The following DDAH1 variants were observed in gnomAD, a reference collection of about 807,000 sequenced individuals.
DDAH1 encodes the protein N(G),N(G)-dimethylarginine dimethylaminohydrolase 1.
A neutral mutation model predicts 28.8 loss-of-function variants in DDAH1; 19 were observed. The observed-to-expected ratio is 0.66, with a 90% CI of 0.46 to 0.97. The LOEUF (loss-of-function observed/expected upper bound fraction) is 0.97, where lower values mean the gene tolerates loss of function less well. Among genes scored for constraint, DDAH1 ranks in the 50% least tolerant of loss-of-function variants. The pLI is 0.00. For synonymous variants in DDAH1, 153 were observed against 154.4 expected, an observed-to-expected ratio of 0.99 and a Z score of 0.07; for missense variants, 326 against 375.9, an observed-to-expected ratio of 0.87 and a Z score of 1.10.
intron 2 of DDAH1, 120 bp from the exon 3 acceptor site, chr1:85,351,699 C>A: frequency 2.8e-6 from 2 of 724,244 alleles, no homozygotes; most frequent in South Asian, 1.7e-5. Flanking sequence ...CAGAGAACAG[C>A]TTCACTAAAG....
intron 2 of DDAH1, among the ~76,000 whole-genome samples, chr1:85,355,658 A>G (rs1319198996): frequency 6.6e-6 from 1 of 152,214 alleles, no homozygotes; most frequent in Non-Finnish European, 1.5e-5. Flanking sequence ...TGTTTACTTT[A>G]GAGAAACTCT....
rs1164742183 is a variant in DDAH1, at chr1:85,319,540, C to G, written c.*1912G>C. On this transcript the variant is annotated 3_prime_UTR_variant, in exon 6 of 6. Transcript: ENST00000284031. ...CTCACAGGGAGAATTTTTGCTTTTG[C>G]CAAGGAAGGGCCAGATTTAACCCAA... 1 of 152,110 alleles carries G rather than the reference C, an allele frequency of 6.6e-6. No homozygotes were observed. Among genetic ancestry groups the G allele is most frequent in the Non-Finnish European group, 1.5e-5 (1 of 68,010 alleles). 9.4% of individuals were successfully genotyped at this position (152,110 alleles called of 1,614,324 possible).
intron 2 of DDAH1, among the ~76,000 whole-genome samples, chr1:85,479,159 CTTTTTTTTTTTTTTTTT>C (rs35629726): frequency 0.033 from 2,609 of 78,948 alleles, 125 homozygotes; most frequent in African/African-American, 0.11. Context: ...TTCTGTTTTT[CTTTTTTTTTTTTTTTTT>C]TTTTTTTTGA....
At chr1:85,498,647 GGT>G (rs1339034717) in intron 1 of DDAH1, among the ~76,000 whole-genome samples, 1 of 152,150 alleles carries the variant, frequency 6.6e-6, no homozygotes, top group East Asian at 1.9e-4. Context: ...AGCCCTGTGT[GGT>G]GGCTCATGCC....
At chr1:85,434,095 C>T (rs1653825163) in intron 1 of DDAH1, among the ~76,000 whole-genome samples, 1 of 152,138 alleles carries the variant, frequency 6.6e-6, no homozygotes, top group Non-Finnish European at 1.5e-5. Flanking sequence ...CCTTGTTCCA[C>T]TTACACTGTT....
At chr1:85,470,957 A>G (rs992285260) in intron 2 of DDAH1, among the ~76,000 whole-genome samples, 1 of 152,200 alleles carries the variant, frequency 6.6e-6, no homozygotes, top group Non-Finnish European at 1.5e-5. Flanking sequence ...TGGCCCTCCT[A>G]CATTCTGGCT....
chr1:85,382,407 G>A (rs550806401), intron 1 of DDAH1, among the ~76,000 whole-genome samples: 72 of 152,270 alleles, frequency 4.7e-4, no homozygotes, highest in African/African-American at 1.6e-3. Flanking sequence ...AGGTAGCAGA[G>A]GCTGGAAGTT....
At chr1:85,530,968 G>A (rs1250668338) in intron 1 of DDAH1, among the ~76,000 whole-genome samples, 1 of 132,734 alleles carries the variant, frequency 7.5e-6, no homozygotes, top group South Asian at 2.6e-4. Flanking sequence ...TCCAGCCTGG[G>A]TGATAGAGTG....
chr1:85,556,083 C>CCTCCTCCTT (rs1658956486), intron 1 of DDAH1, among the ~76,000 whole-genome samples: 1 of 148,108 alleles, frequency 6.8e-6, no homozygotes, highest in Admixed American at 6.8e-5. Context: ...GCCGCCGCCT[C>CCTCCTCCTT]CTCCTCCTCC....
chr1:85,468,418 C>A (rs187078478), upstream of DDAH1, among the ~76,000 whole-genome samples: 3 of 152,178 alleles, frequency 2.0e-5, no homozygotes, highest in African/African-American at 7.2e-5. Context: ...ACTTACGATT[C>A]CACATAGCTG....
intron 1 of DDAH1, among the ~76,000 whole-genome samples, chr1:85,360,514 T>C (rs1315607484): frequency 2.6e-5 from 4 of 152,210 alleles, no homozygotes; most frequent in Admixed American, 6.5e-5. Flanking sequence ...TCTCTGCTTC[T>C]TTGTCCATGG....
At chr1:85,329,762 A>G (rs1647650093) in intron 4 of DDAH1, among the ~76,000 whole-genome samples, 1 of 152,248 alleles carries the variant, frequency 6.6e-6, no homozygotes, top group Admixed American at 6.5e-5. Flanking sequence ...AGACAGATTT[A>G]AGAATATGCC....
At chr1:85,504,081 G>T (rs758651082) in intron 1 of DDAH1, among the ~76,000 whole-genome samples, 1 of 152,226 alleles carries the variant, frequency 6.6e-6, no homozygotes, top group Non-Finnish European at 1.5e-5. Flanking sequence ...GATCGCTTTG[G>T]CTGCAGCGTA....
chr1:85,415,462 A>G lies in DDAH1; in HGVS notation c.303+49281T>C, dbSNP rs145392043. ...GAATTTCTAGCACGTGTAACCTAGGAGATACATTTCAGTTTATTAATTGCA... is the reference window on the plus strand; with the variant it reads ...GAATTTCTAGCACGTGTAACCTAGGGGATACATTTCAGTTTATTAATTGCA... On this transcript the variant is annotated intron_variant, in intron 1 of 5. Transcript: ENST00000284031. 1.7e-4 allele frequency among the ~76,000 whole-genome samples: 26 copies of G among 152,348 alleles called. No homozygotes were observed. The East Asian group carries it at 4.6e-3, about 27-fold the overall frequency.
chr1:85,345,281 G>A (rs1226129077), intron 4 of DDAH1, among the ~76,000 whole-genome samples: 1 of 151,502 alleles, frequency 6.6e-6, no homozygotes, highest in Non-Finnish European at 1.5e-5. Flanking sequence ...CATTCCTTCT[G>A]GAAGAGTACA....
intron 1 of DDAH1, among the ~76,000 whole-genome samples, chr1:85,440,905 G>GCCC (rs1000310321): frequency 1.3e-5 from 2 of 151,050 alleles, no homozygotes; most frequent in African/African-American, 4.9e-5. Context: ...CAAAAAGCAG[G>GCCC]ATTGGAAAAT....
At chr1:85,548,348 C>T (rs975984867) in intron 1 of DDAH1, among the ~76,000 whole-genome samples, 3 of 152,176 alleles carry the variant, frequency 2.0e-5, no homozygotes, top group Non-Finnish European at 2.9e-5. Flanking sequence ...TTAACTAACT[C>T]ACCCTTTAGT....
At chr1:85,450,379 G>A (rs1420606365) in intron 1 of DDAH1, among the ~76,000 whole-genome samples, 1 of 152,092 alleles carries the variant, frequency 6.6e-6, no homozygotes, top group Non-Finnish European at 1.5e-5. Context: ...GGTAGGTCTG[G>A]GTCTTTACAG....
upstream of DDAH1, among the ~76,000 whole-genome samples, chr1:85,468,680 CA>C (rs1655505268): frequency 6.6e-6 from 1 of 152,076 alleles, no homozygotes. Context: ...CCACCACACC[CA>C]GCTAATTTTT....
Sources: allele counts gnomAD v4.1 joint callset (sites outside exome capture counted in the v4.1 genomes callset), GRCh38; gene constraint gnomAD v4.1.1; transcripts MANE v1.5; gene names NCBI Gene and HGNC (gene_info 2026-07-23, HGNC 2026-07-21).